Variants in TRMT2B observed in about 807,000 individuals in gnomAD.
TRMT2B encodes tRNA (uracil-5-)-methyltransferase homolog B.
TRMT2B carries 34 observed loss-of-function variants against 39.7 expected under a neutral mutation model. The observed-to-expected ratio is 0.86, with a 90% CI of 0.65 to 1.14. The LOEUF (loss-of-function observed/expected upper bound fraction) is 1.14, where lower values mean the gene tolerates loss of function less well. Ranked by LOEUF, TRMT2B falls within the 50% of genes most tolerant of loss-of-function variation. TRMT2B has a pLI of 0.00. For synonymous variants in TRMT2B, 132 were observed against 137.3 expected (o/e 0.96, Z 0.27); for missense variants, 318 against 377.2 (o/e 0.84, Z 1.30).
chrX:101,006,636 C>T (rs749941209), downstream of TRMT2B, among the ~76,000 whole-genome samples: 4 of 109,753 alleles, frequency 3.6e-5, no homozygotes, highest in Admixed American at 9.9e-5. Context: ...GATCTTATCA[C>T]TACAAAAAAA....
intron 13 of TRMT2B, among the ~76,000 whole-genome samples, chrX:101,014,090 C>CA (rs1280567275): frequency 9.1e-6 from 1 of 109,560 alleles, no homozygotes; most frequent in Non-Finnish European, 1.9e-5. Flanking sequence ...CCATCCCCCG[C>CA]AAAAAAAAGC....
intron 4 of TRMT2B, among the ~76,000 whole-genome samples, chrX:101,038,675 G>A (rs957896526): frequency 1.8e-5 from 2 of 112,260 alleles, no homozygotes; most frequent in Admixed American, 9.6e-5. Context: ...TGTGTTCTAC[G>A]TATACAGTGG....
At chrX:101,049,803 T>C (rs928399668) in intron 2 of TRMT2B, among the ~76,000 whole-genome samples, 1 of 102,487 alleles carries the variant, frequency 9.8e-6, no homozygotes, top group Non-Finnish European at 2.0e-5. Context: ...AAAAAAAGTG[T>C]GTGGCCTGTG....
Position 101,009,380 on chromosome X carries a change from T to G in TRMT2B, c.*1201A>C, listed in dbSNP as rs776691778. On this transcript the variant is annotated 3_prime_UTR_variant, in exon 14 of 14. Coordinates refer to ENST00000372936, the MANE Select transcript of TRMT2B (RefSeq NM_024917.6). ...TTTCAATATCCAGTTTATTATGTTA[T>G]ACTAGATTTTGGAGCTTTTTGCCTC... is the stretch of plus-strand genomic sequence containing the variant. 2 of 110,439 alleles carry G rather than the reference T, an allele frequency of 1.8e-5. No homozygotes were observed. The highest frequency in any genetic ancestry group is 2.9e-4 in the East Asian group (1 of 3,482). The allele number at this position is 110,439 out of a possible 1,213,427, so 9.1% of individuals were successfully genotyped here.
At chrX:100,990,392 G>T in the TRMT2B span, 1 of 936,877 alleles carries the variant, frequency 1.1e-6, no homozygotes, top group East Asian at 4.3e-5. Context: ...GAAACCAAAA[G>T]AAACAGTTGA....
intron 8 of TRMT2B, 53 bp downstream of exon 8, chrX:101,023,417 T>A (rs1050577600): frequency 2.1e-5 from 24 of 1,157,220 alleles, no homozygotes; most frequent in Non-Finnish European, 2.8e-5. Flanking sequence ...CCAATTACAG[T>A]TATAGTTAGT....
chrX:101,033,072 A>G (rs1199226244), intron 7 of TRMT2B, among the ~76,000 whole-genome samples: 9 of 108,807 alleles, frequency 8.3e-5, no homozygotes, highest in Admixed American at 3.0e-4. Context: ...CCTGGCCAAC[A>G]TGGTGAAACC....
chrX:100,974,372 C>G, the TRMT2B span, among the ~76,000 whole-genome samples: 1 of 109,798 alleles, frequency 9.1e-6, no homozygotes, highest in Admixed American at 9.7e-5. Context: ...CTCTGTCTCT[C>G]TCTCTCTCTC....
In TRMT2B at chrX:101,022,507, G is replaced by T. The variant is rs140038240; in HGVS notation, c.757-445C>A. On this transcript the variant is annotated intron_variant, in intron 8 of 13. Coordinates refer to ENST00000372936, the MANE Select transcript of TRMT2B (RefSeq NM_024917.6). Reference sequence around the variant, plus strand: ...GTGCTGGCACGTGCCTGTAATCCCAGCTACTTGGGAGGCTGAGTCAGGAGA... The same window carrying T: ...GTGCTGGCACGTGCCTGTAATCCCATCTACTTGGGAGGCTGAGTCAGGAGA... Among the ~76,000 whole-genome samples the T allele has an allele frequency of 4.5e-3, 495 of 110,443 alleles. 5 individuals are homozygous for T. Among genetic ancestry groups the T allele is most frequent in the Middle Eastern group, 0.018 (4 of 218 alleles).
chrX:101,050,743 T>A (rs2089020925), intron 2 of TRMT2B, among the ~76,000 whole-genome samples: 1 of 97,586 alleles, frequency 1.0e-5, no homozygotes, highest in Non-Finnish European at 2.0e-5. Context: ...AAATAAAAAA[T>A]AAAAAATAAA....
intron 7 of TRMT2B, among the ~76,000 whole-genome samples, chrX:101,029,292 T>C: frequency 9.0e-6 from 1 of 111,513 alleles, no homozygotes; most frequent in South Asian, 3.8e-4. Context: ...TCAGCACTAC[T>C]GACATTTGGG....
the TRMT2B span, among the ~76,000 whole-genome samples, chrX:100,992,959 G>T: frequency 8.9e-6 from 1 of 111,828 alleles, no homozygotes; most frequent in African/African-American, 3.3e-5. Context: ...TAGAAACTTT[G>T]TACAGAAAGA....
chrX:100,984,862 T>C, the TRMT2B span, among the ~76,000 whole-genome samples: 1 of 112,327 alleles, frequency 8.9e-6, no homozygotes, highest in Non-Finnish European at 1.9e-5. Flanking sequence ...TTCATTCATT[T>C]ATCAGATTAA....
At chrX:101,042,603 A>G (rs1241496408) in intron 2 of TRMT2B, among the ~76,000 whole-genome samples, 2 of 112,115 alleles carry the variant, frequency 1.8e-5, no homozygotes, top group Non-Finnish European at 3.8e-5. Flanking sequence ...CCTAACCAAC[A>G]GCCAATCAAG....
chrX:101,041,411 A>G lies in TRMT2B; in HGVS notation c.249-40T>C, dbSNP rs746898561. On this transcript the variant is annotated intron_variant, in intron 3 of 13. Transcript: ENST00000372936. ...TTCAGGCAATTCTTTAATTATATAA[A>G]TATGTACTGAGTGCCTACTATGCAT... 1.3e-5 allele frequency: 14 copies of G among 1,117,139 alleles called. No homozygotes were observed. In the Admixed American group the frequency reaches 3.1e-4, roughly 24 times the overall value. 92.1% of individuals were successfully genotyped at this position (1,117,139 alleles called of 1,213,427 possible). A position where few individuals can be genotyped will look rare whatever the true frequency, so the allele number is the denominator to read the frequency against.
chrX:100,973,412 G>A, the TRMT2B span, among the ~76,000 whole-genome samples: 14 of 104,041 alleles, frequency 1.3e-4, no homozygotes, highest in East Asian at 2.9e-3. Flanking sequence ...TCCTCCAGCC[G>A]CTGCCTCCCG....
the TRMT2B span, chrX:100,990,533 C>T: frequency 1.8e-6 from 2 of 1,117,450 alleles, no homozygotes; most frequent in Admixed American, 6.4e-5. Context: ...CCTGAGAACC[C>T]CTGTTGTTCC....
At chrX:100,987,759 G>A in the TRMT2B span, among the ~76,000 whole-genome samples, 1 of 111,630 alleles carries the variant, frequency 9.0e-6, no homozygotes, top group Non-Finnish European at 1.9e-5. Context: ...CATAACTTGA[G>A]TGGTCATATG....
At chrX:101,045,808 A>G (rs182373430) in intron 2 of TRMT2B, among the ~76,000 whole-genome samples, 1 of 107,736 alleles carries the variant, frequency 9.3e-6, no homozygotes, top group African/African-American at 3.4e-5. Flanking sequence ...AAAAAATAAT[A>G]ATATTAATAA....
Sources: allele counts gnomAD v4.1 joint callset (sites outside exome capture counted in the v4.1 genomes callset), GRCh38; gene constraint gnomAD v4.1.1; transcripts MANE v1.5; gene names NCBI Gene and HGNC (gene_info 2026-07-23, HGNC 2026-07-21).